The following MYH15 variants were observed in gnomAD, a reference collection of about 807,000 sequenced individuals.
MYH15 encodes the protein myosin heavy chain 15, also known as myosin-15.
In MYH15, 227 loss-of-function variants were observed where a neutral mutation model predicts 240.5. The ratio of observed to expected loss-of-function variants is 0.94; its 90% CI spans 0.85 to 1.05. The LOEUF (loss-of-function observed/expected upper bound fraction) is 1.05, where lower values mean the gene tolerates loss of function less well. MYH15 is among the 50% of genes least tolerant of loss of function. MYH15 has a pLI of 0.00. For synonymous variants in MYH15, 785 were observed against 796.7 expected, an observed-to-expected ratio of 0.99 and a Z score of 0.25; for missense variants, 2,217 against 2,247.5, an observed-to-expected ratio of 0.99 and a Z score of 0.27.
At position 108,439,751 on chromosome 3, in the gene MYH15, G is replaced by A. The variant is rs1343924771; in HGVS notation, c.3061C>T (p.Gln1021Ter). ...CCGTTACTGACCTCATCAACTTGCT[G>A]TTCCAGCTTCAGATTTGCTTTGCTC... ...SLSKANLKLE[Q>*]QVDELEGALE... The change falls in exon 24 of 41, where the codon CAG (glutamine) becomes TAG (stop). Residue 1021 changes from glutamine (Q) to a stop codon, truncating the protein, a stop_gained. Coordinates refer to ENST00000693548, the MANE Select transcript of MYH15 (RefSeq NM_014981.3). LOFTEE classifies it high-confidence loss of function. The A allele has an allele frequency of 6.2e-7, 1 of 1,603,774 alleles. No individual in the cohort carries two copies.
rs902216875 is a variant in MYH15 at position 108,417,718 on chromosome 3, A to C, written c.3830-788T>G. Among the ~76,000 whole-genome samples the C allele has an allele frequency of 7.2e-5, 11 of 151,816 alleles. 2 individuals carry two copies. Among genetic ancestry groups the C allele is most frequent in the Admixed American group, 7.2e-4 (11 of 15,242 alleles). ...GAATTCAACCTACCGAGGTCCTACA[A>C]TTTAACTCAATTCTGACACTATTTT... On this transcript the variant is annotated intron_variant, in intron 28 of 40. Transcript: ENST00000693548.
intron 16 of MYH15, among the ~76,000 whole-genome samples, chr3:108,460,882 G>A (rs3996020): frequency 0.21 from 31,862 of 151,980 alleles, 4,335 homozygotes; most frequent in Non-Finnish European, 0.31. Flanking sequence ...GTTGGGAGGT[G>A]TAAATACCAA....
chr3:108,423,348 T>C (rs578001394), intron 27 of MYH15, among the ~76,000 whole-genome samples: 1 of 152,330 alleles, frequency 6.6e-6, no homozygotes, highest in East Asian at 1.9e-4. Flanking sequence ...CAGTGTTATG[T>C]AGTTCCAGTT....
At chr3:108,384,898 T>C (rs1199039116) in intron 38 of MYH15, 116 bp from the exon 39 acceptor site, 28 of 877,296 alleles carry the variant, frequency 3.2e-5, no homozygotes, top group African/African-American at 5.1e-5. Flanking sequence ...CATCTCAGAG[T>C]TGTGATTTTA....
At chr3:108,470,924 T>G in intron 12 of MYH15, 77 bp from the exon 13 acceptor site, 1 of 1,454,680 alleles carries the variant, frequency 6.9e-7, no homozygotes, top group South Asian at 1.3e-5. Context: ...TATCAGCAAC[T>G]GCCTTCTAGT....
chr3:108,508,554 C>A (rs554101390), intron 1 of MYH15, among the ~76,000 whole-genome samples: 19 of 152,072 alleles, frequency 1.2e-4, no homozygotes, highest in Non-Finnish European at 2.2e-4. Context: ...AATTAAATAT[C>A]TTTTCCAATA....
chr3:108,498,641 C>T (rs1391513176), intron 5 of MYH15, among the ~76,000 whole-genome samples: 1 of 152,160 alleles, frequency 6.6e-6, no homozygotes, highest in African/African-American at 2.4e-5. Context: ...AATTTATAGC[C>T]TCCTCAATGT....
intron 12 of MYH15, among the ~76,000 whole-genome samples, chr3:108,475,530 TG>T (rs994838114): frequency 2.0e-5 from 3 of 152,184 alleles, no homozygotes; most frequent in Admixed American, 6.5e-5. Context: ...TAAAGGTGGT[TG>T]TACTTTCTCT....
chr3:108,435,540 C>G (rs981613214), intron 25 of MYH15, among the ~76,000 whole-genome samples: 6 of 151,846 alleles, frequency 4.0e-5, no homozygotes, highest in African/African-American at 1.5e-4. Context: ...TTTTAGATAC[C>G]TCTATCAGTG....
intron 14 of MYH15, 29 bp from the exon 15 acceptor site, chr3:108,464,843 T>G (rs1353274767): frequency 6.5e-7 from 1 of 1,546,656 alleles, no homozygotes. Context: ...AGCAGCAGAT[T>G]TCTTTAAAAA....
chr3:108,438,848 G>A (rs1421702960), intron 24 of MYH15, among the ~76,000 whole-genome samples: 1 of 152,130 alleles, frequency 6.6e-6, no homozygotes, highest in Non-Finnish European at 1.5e-5. Context: ...AAGACACCAG[G>A]AGAGAATAAG....
intron 8 of MYH15, 36 bp from the exon 9 acceptor site, chr3:108,492,631 G>A (rs776904100): frequency 1.3e-6 from 2 of 1,496,104 alleles, no homozygotes; most frequent in Non-Finnish European, 1.9e-6. Context: ...TTCATACTTA[G>A]GCATTCTTGC....
At chr3:108,451,600 A>T (rs1296204159) in intron 21 of MYH15, among the ~76,000 whole-genome samples, 2 of 152,186 alleles carry the variant, frequency 1.3e-5, no homozygotes, top group African/African-American at 4.8e-5. Context: ...TCTACCAAAG[A>T]TTCAAAGACC....
intron 7 of MYH15, among the ~76,000 whole-genome samples, chr3:108,494,798 T>C (rs1197580071): frequency 6.6e-6 from 1 of 152,204 alleles, no homozygotes; most frequent in Non-Finnish European, 1.5e-5. Context: ...CTGGCTATCT[T>C]TCTTTTTACC....
intron 12 of MYH15, among the ~76,000 whole-genome samples, chr3:108,475,434 C>A (rs1388050936): frequency 6.6e-6 from 1 of 152,162 alleles, no homozygotes; most frequent in East Asian, 1.9e-4. Context: ...CATTTCTCAG[C>A]CCCTTTCTGT....
chr3:108,396,862 A>G (rs553984083), intron 35 of MYH15, among the ~76,000 whole-genome samples: 1 of 152,310 alleles, frequency 6.6e-6, no homozygotes, highest in Admixed American at 6.5e-5. Flanking sequence ...TTTCTGGTTT[A>G]TACTTTCTTT....
intron 1 of MYH15, among the ~76,000 whole-genome samples, chr3:108,509,173 T>C (rs7612469): frequency 0.23 from 34,353 of 152,154 alleles, 4,554 homozygotes; most frequent in Non-Finnish European, 0.3. Flanking sequence ...TGAACAACTT[T>C]TGCTAACACT....
At chr3:108,529,563 T>C (rs986501420), upstream of MYH15, among the ~76,000 whole-genome samples, 2 of 152,154 alleles carry the variant, frequency 1.3e-5, no homozygotes, top group Non-Finnish European at 2.9e-5. Flanking sequence ...CAAAACACAT[T>C]TTTTCAAACA....
At chr3:108,466,660 A>G (rs1043234077) in intron 14 of MYH15, among the ~76,000 whole-genome samples, 11 of 152,188 alleles carry the variant, frequency 7.2e-5, no homozygotes, top group Admixed American at 3.9e-4. Context: ...TATTCAAACA[A>G]GCCTGTTGCA....
Sources: allele counts gnomAD v4.1 joint callset (sites outside exome capture counted in the v4.1 genomes callset), GRCh38; gene constraint gnomAD v4.1.1; transcripts MANE v1.5; gene names NCBI Gene and HGNC (gene_info 2026-07-23, HGNC 2026-07-21).